The following CDH5 variants were observed in gnomAD, a reference collection of about 807,000 sequenced individuals.
CDH5 encodes cadherin 5, also known as cadherin-5.
CDH5 carries 28 observed loss-of-function variants against 62.0 expected under a neutral mutation model. That is an observed-to-expected ratio of 0.45 (90% CI 0.33 to 0.62). CDH5 has a LOEUF of 0.62. Among genes scored for constraint, CDH5 ranks in the 20% least tolerant of loss-of-function variants. The pLI is 0.02. For synonymous variants in CDH5, 464 were observed against 445.8 expected (o/e 1.04, Z -0.52); for missense variants, 940 against 1,065.1 (o/e 0.88, Z 1.63).
intron 10 of CDH5, among the ~76,000 whole-genome samples, chr16:66,399,488 G>T (rs1208789316): frequency 6.6e-6 from 1 of 152,204 alleles, no homozygotes; most frequent in African/African-American, 2.4e-5. Context: ...GGGGAGTGGG[G>T]TCCCTGAAAG....
chr16:66,382,859 G>A (rs1343657624), intron 2 of CDH5, among the ~76,000 whole-genome samples: 1 of 152,202 alleles, frequency 6.6e-6, no homozygotes, highest in Non-Finnish European at 1.5e-5. Context: ...TGGAGCCTTT[G>A]TTTACAGACC....
chr16:66,388,297 A>C (rs757066109), intron 3 of CDH5, 27 bp from the exon 4 acceptor site: 2 of 1,487,564 alleles, frequency 1.3e-6, no homozygotes, highest in Non-Finnish European at 1.9e-6. Flanking sequence ...GTCACAAGTC[A>C]GCAACCCCAG....
chr16:66,387,820 G>T (rs13336559), intron 3 of CDH5, among the ~76,000 whole-genome samples: 46,365 of 151,990 alleles, frequency 0.31, 7,290 homozygotes, highest in African/African-American at 0.34. Context: ...TGGGCTCTGG[G>T]CTCAGGAGGT....
chr16:66,400,693 G>A, intron 10 of CDH5, 78 bp from the exon 11 acceptor site: 2 of 1,580,708 alleles, frequency 1.3e-6, no homozygotes, highest in South Asian at 1.1e-5. Context: ...GTGCAGTCAG[G>A]GAGGGCTTCC....
intron 2 of CDH5, among the ~76,000 whole-genome samples, chr16:66,384,387 C>G (rs1034824612): frequency 6.6e-6 from 1 of 151,766 alleles, no homozygotes; most frequent in African/African-American, 2.4e-5. Flanking sequence ...AGCCACCATG[C>G]CCCCCGAGTC....
Position 66,396,176 on chromosome 16 carries a change from G to C in CDH5, c.1335G>C (p.Val445=). The stretch of plus-strand genomic sequence containing the variant: ...TCTACCCCTGGTATAACCTGACTGT[G>C]GAGGCCAAAGAACTGGATTCCACTG... ...REVYPWYNLT[V]EAKELDSTGT... The change falls in exon 8 of 12, where the codon GTG becomes GTC. Residue 445 remains valine, a synonymous_variant. Coordinates refer to ENST00000341529, the MANE Select transcript of CDH5 (RefSeq NM_001795.5). The C allele has an allele frequency of 6.2e-7, 1 of 1,614,172 alleles. No individual in the cohort carries two copies. Among genetic ancestry groups the C allele is most frequent in the Admixed American group, 1.7e-5 (1 of 60,006 alleles).
At chr16:66,369,392 G>C (rs1960644743) in intron 1 of CDH5, among the ~76,000 whole-genome samples, 1 of 152,204 alleles carries the variant, frequency 6.6e-6, no homozygotes, top group African/African-American at 2.4e-5. Flanking sequence ...AGCACCTACT[G>C]TGTGCCAGGC....
rs150311666 is a variant in CDH5 at position 66,387,071 on chromosome 16, C to G, written c.473C>G (p.Ala158Gly). 1 of 1,613,344 alleles carries G rather than the reference C, an allele frequency of 6.2e-7. No homozygotes were observed. The highest frequency in any genetic ancestry group is 2.2e-5 in the East Asian group (1 of 44,852). ...GTGTTCACGCATCGGTTGTTCAATG[C>G]GTCCGTGCCTGAGTCGTCGGCTGTG... ...WPVFTHRLFN[A>G]SVPESSAVGT... Residue 158 changes from alanine (A) to glycine (G), a missense_variant, in exon 3 of 12, where the codon GCG (alanine) becomes GGG (glycine). By Grantham distance (60) the Ala-to-Gly change is moderately conservative (BLOSUM62 0). Transcript: ENST00000341529.
At chr16:66,390,691 G>T in intron 6 of CDH5, 101 bp downstream of exon 6, 1 of 1,096,544 alleles carries the variant, frequency 9.1e-7, no homozygotes, top group Non-Finnish European at 1.3e-6. Flanking sequence ...ACCATCAAAG[G>T]ACCATCAAAG....
intron 1 of CDH5, among the ~76,000 whole-genome samples, chr16:66,372,200 A>G (rs115910952): frequency 5.6e-4 from 86 of 152,306 alleles, no homozygotes; most frequent in African/African-American, 2.0e-3. Flanking sequence ...ATCAAAGCAC[A>G]TGTCACAATT....
chr16:66,392,065 G>A, intron 6 of CDH5, 71 bp from the exon 7 acceptor site: 1 of 1,582,438 alleles, frequency 6.3e-7, no homozygotes, highest in Non-Finnish European at 8.7e-7. Flanking sequence ...TTGCATAGTT[G>A]CTGTGCAGAT....
Position 66,379,322 on chromosome 16 carries a change from T to G in CDH5, c.-16T>G. On this transcript the variant is annotated 5_prime_UTR_variant, in exon 2 of 12. Coordinates refer to ENST00000341529, the MANE Select transcript of CDH5 (RefSeq NM_001795.5). Reference sequence around the variant, plus strand: ...AATGTGTCTCCTCTTTCCCCAGATCTGTTCCTCCTGGGAAGATGCAGAGGC... The same window carrying G: ...AATGTGTCTCCTCTTTCCCCAGATCGGTTCCTCCTGGGAAGATGCAGAGGC... 6.3e-7 allele frequency: 1 copy of G among 1,594,582 alleles called. No homozygotes were observed.
intron 1 of CDH5, among the ~76,000 whole-genome samples, chr16:66,368,381 A>T (rs2142299349): frequency 6.6e-6 from 1 of 152,232 alleles, no homozygotes; most frequent in East Asian, 1.9e-4. Flanking sequence ...GGTGAGGGGT[A>T]GGGGAGGTGT....
intron 1 of CDH5, among the ~76,000 whole-genome samples, chr16:66,370,061 C>A (rs748529697): frequency 6.6e-6 from 1 of 152,070 alleles, no homozygotes; most frequent in Non-Finnish European, 1.5e-5. Flanking sequence ...AGTGCAATGG[C>A]GCAATCTTGG....
intron 1 of CDH5, among the ~76,000 whole-genome samples, chr16:66,371,922 C>T (rs1454093029): frequency 6.6e-6 from 1 of 152,186 alleles, no homozygotes; most frequent in Admixed American, 6.5e-5. Flanking sequence ...TTCCCCTCCC[C>T]GCCCTTCCCT....
chr16:66,380,651 ATGG>A (rs754702725), intron 2 of CDH5, among the ~76,000 whole-genome samples: 25 of 150,722 alleles, frequency 1.7e-4, no homozygotes, highest in Middle Eastern at 6.9e-3. Flanking sequence ...ATAAATGTTG[ATGG>A]TGGTGATGAT....
chr16:66,381,982 TG>T (rs1276183702), intron 2 of CDH5, among the ~76,000 whole-genome samples: 1 of 152,272 alleles, frequency 6.6e-6, no homozygotes, highest in African/African-American at 2.4e-5. Context: ...ACAAATGGTG[TG>T]GGGGTGCCCT....
intron 7 of CDH5, 198 bp downstream of exon 7, chr16:66,392,581 C>T: frequency 1.6e-6 from 1 of 644,040 alleles, no homozygotes; most frequent in Non-Finnish European, 2.6e-6. Flanking sequence ...ACTCCCCCAC[C>T]TAGCATGGTC....
In CDH5 at chr16:66,366,738, A is replaced by T. The variant is rs768689199; in HGVS notation, c.-40A>T. 1.3e-5 allele frequency: 2 copies of T among 152,214 alleles called. No homozygotes were observed. The highest frequency in any genetic ancestry group is 2.4e-5 in the African/African-American group (1 of 41,398). 9.4% of individuals were successfully genotyped at this position (152,214 alleles called of 1,614,324 possible). On this transcript the variant is annotated 5_prime_UTR_variant, in exon 1 of 12. Transcript: ENST00000341529. The stretch of plus-strand genomic sequence containing the variant: ...ACAGGCAGTCCAACGGAACAGAAAC[A>T]TCCCTCAGCCCACAGGCACGGTGAG...
Sources: gnomAD v4.1 joint callset for allele counts (sites outside exome capture counted in the v4.1 genomes callset) on GRCh38, gnomAD v4.1.1 for gene constraint, MANE v1.5 for transcripts, NCBI Gene and HGNC (gene_info 2026-07-23, HGNC 2026-07-21) for gene names.